Variants in CDH4 observed in about 807,000 individuals in gnomAD.
CDH4 encodes cadherin 4, also known as cadherin-4.
In CDH4, 33 loss-of-function variants were observed where a neutral mutation model predicts 86.0. That is an observed-to-expected ratio of 0.38 (90% CI 0.29 to 0.51). The LOEUF (loss-of-function observed/expected upper bound fraction) is 0.51. Among genes scored for constraint, CDH4 ranks in the 20% least tolerant of loss-of-function variants. The pLI is 0.86. For missense variants in CDH4, 1,114 were observed against 1,307.4 expected (o/e 0.85, Z 2.28); for synonymous variants, 555 against 549.4 (o/e 1.01, Z -0.14).
chr20:61,394,121 G>C (rs1476809825), intron 2 of CDH4, among the ~76,000 whole-genome samples: 1 of 152,174 alleles, frequency 6.6e-6, no homozygotes, highest in East Asian at 1.9e-4. Flanking sequence ...AGGATTTGTA[G>C]GTGATGTTGG....
At chr20:61,345,873 C>G (rs1490652915) in intron 2 of CDH4, among the ~76,000 whole-genome samples, 2 of 152,202 alleles carry the variant, frequency 1.3e-5, no homozygotes, top group Non-Finnish European at 2.9e-5. Context: ...CCAAGGTATG[C>G]ATTCCTTAGG....
intron 6 of CDH4, among the ~76,000 whole-genome samples, chr20:61,869,896 CT>C (rs1325449076): frequency 6.6e-6 from 1 of 152,228 alleles, no homozygotes; most frequent in African/African-American, 2.4e-5. Flanking sequence ...GTGGGGAGAG[CT>C]GGGCCCCAGT....
Position 61,424,729 on chromosome 20 carries a change from T to C in CDH4, c.169+169792T>C, listed in dbSNP as rs2085202071. ...TCAGTCCCTCTCTTTTGACCGTGTC[T>C]CCCTGACTCCCATTGTTTAGGGAGA... On this transcript the variant is annotated intron_variant, in intron 2 of 15. Transcript: ENST00000614565. Among the ~76,000 whole-genome samples, 4 of 109,832 alleles carry C rather than the reference T, an allele frequency of 3.6e-5. No homozygotes were observed. In the South Asian group the frequency reaches 1.1e-3, roughly 29 times the overall value. 72.1% of individuals were successfully genotyped at this position (109,832 alleles called of 152,430 possible). A position where few individuals can be genotyped will look rare whatever the true frequency, so the allele number is the denominator to read the frequency against.
At chr20:61,640,923 G>A (rs1261260054) in intron 2 of CDH4, among the ~76,000 whole-genome samples, 3 of 152,220 alleles carry the variant, frequency 2.0e-5, no homozygotes, top group African/African-American at 7.2e-5. Context: ...GGGGAAGCGA[G>A]TGGTGCCGGG....
chr20:61,649,232 C>T (rs563984934), intron 2 of CDH4, among the ~76,000 whole-genome samples: 1 of 152,160 alleles, frequency 6.6e-6, no homozygotes, highest in Non-Finnish European at 1.5e-5. Flanking sequence ...CCCACAGGGC[C>T]CCCCGAGCAC....
chr20:61,803,141 G>A (rs1979925248), intron 4 of CDH4, among the ~76,000 whole-genome samples: 2 of 152,214 alleles, frequency 1.3e-5, no homozygotes, highest in Admixed American at 1.3e-4. Flanking sequence ...CTCCGTCGTT[G>A]ACGGTGTGTC....
In CDH4 at chr20:61,577,947, C is replaced by T. The variant is rs1223735265; in HGVS notation, c.170-165616C>T. Among the ~76,000 whole-genome samples the T allele has an allele frequency of 2.0e-5, 3 of 152,238 alleles. No homozygotes were observed. In the East Asian group the frequency reaches 5.8e-4, roughly 29 times the overall value. On this transcript the variant is annotated intron_variant, in intron 2 of 15. Transcript: ENST00000614565. ...CATTTCTCTCCTTAATGTCTCCTTCCCTCCTTCAAGCCCCACTCCTTCCCT... is the reference window on the plus strand; with the variant it reads ...CATTTCTCTCCTTAATGTCTCCTTCTCTCCTTCAAGCCCCACTCCTTCCCT...
At chr20:61,349,165 C>T (rs540668894) in intron 2 of CDH4, among the ~76,000 whole-genome samples, 5 of 152,326 alleles carry the variant, frequency 3.3e-5, no homozygotes, top group African/African-American at 9.6e-5. Flanking sequence ...TCTCAGGAAC[C>T]GGCCTGCAGC....
At chr20:61,845,829 C>T (rs1473540712) in intron 5 of CDH4, among the ~76,000 whole-genome samples, 2 of 152,372 alleles carry the variant, frequency 1.3e-5, no homozygotes, top group Middle Eastern at 3.4e-3. Flanking sequence ...GTTCCACCTT[C>T]GCTTGGCTTC....
chr20:61,605,327 C>A (rs1371086499), intron 2 of CDH4, among the ~76,000 whole-genome samples: 2 of 151,052 alleles, frequency 1.3e-5, no homozygotes, highest in African/African-American at 4.9e-5. Context: ...CACTCTGCCT[C>A]TCTCTCTCTG....
intron 2 of CDH4, among the ~76,000 whole-genome samples, chr20:61,382,663 G>T (rs887092319): frequency 2.6e-5 from 4 of 152,184 alleles, no homozygotes; most frequent in African/African-American, 9.7e-5. Context: ...TTCCGGGGAG[G>T]CCCCTGCCTC....
chr20:61,544,035 CA>C lies in CDH4; in HGVS notation c.170-199527del, dbSNP rs2086058737. Reference sequence around the variant, plus strand: ...CAGCTGAGGTCCCTGGAGGCTGCCCCACACCCCCGGCCCCACACCTGGCTCT... The same window carrying C: ...CAGCTGAGGTCCCTGGAGGCTGCCCCCACCCCCGGCCCCACACCTGGCTCT... On this transcript the variant is annotated intron_variant, in intron 2 of 15. Coordinates refer to ENST00000614565, the MANE Select transcript of CDH4 (RefSeq NM_001794.5). This position sits in a 1 kb window ranked among gnomAD's most constrained non-coding sequence, Gnocchi z 6.5. Among the ~76,000 whole-genome samples the C allele has an allele frequency of 6.6e-6, 1 of 152,166 alleles. No individual in the cohort carries two copies. The highest frequency in any genetic ancestry group is 1.5e-5 in the Non-Finnish European group (1 of 68,018).
chr20:61,283,008 G>A (rs1261022798), intron 2 of CDH4, among the ~76,000 whole-genome samples: 1 of 29,038 alleles, frequency 3.4e-5, no homozygotes, highest in African/African-American at 1.0e-4. Context: ...GCGTTTGCAC[G>A]CGCGTGCTGT....
At chr20:61,735,586 C>T (rs992906951) in intron 2 of CDH4, among the ~76,000 whole-genome samples, 4 of 152,162 alleles carry the variant, frequency 2.6e-5, no homozygotes, top group Non-Finnish European at 5.9e-5. Flanking sequence ...TTCTGCCTCC[C>T]GGCCAGCGCC....
At chr20:61,351,993 G>A (rs1362848572) in intron 2 of CDH4, among the ~76,000 whole-genome samples, 7 of 152,004 alleles carry the variant, frequency 4.6e-5, no homozygotes, top group Non-Finnish European at 5.9e-5. Context: ...CTGGGATTAC[G>A]GGTGTGAGCC....
chr20:61,465,363 A>AT (rs112215809), intron 2 of CDH4, among the ~76,000 whole-genome samples: 7,488 of 147,740 alleles, frequency 0.051, 313 homozygotes, highest in African/African-American at 0.11. Flanking sequence ...TGAACCTGGG[A>AT]TTTTTTTTTT....
intron 2 of CDH4, among the ~76,000 whole-genome samples, chr20:61,697,825 G>A (rs1456454746): frequency 6.6e-6 from 1 of 152,186 alleles, no homozygotes; most frequent in African/African-American, 2.4e-5. Flanking sequence ...GCTCCAGGCT[G>A]GAAGGTCCTC....
intron 2 of CDH4, among the ~76,000 whole-genome samples, chr20:61,711,948 G>A (rs532553629): frequency 2.0e-5 from 3 of 152,304 alleles, no homozygotes; most frequent in Admixed American, 6.5e-5. Flanking sequence ...ACAGATAGCT[G>A]TGCACTGAGG....
At position 61,333,251 on chromosome 20, in the gene CDH4, GCA is replaced by G. The variant is rs547498678; in HGVS notation, c.169+78323_169+78324del. ...CATGCACACATATGCACAGGCACAT[GCA>G]CACACACATGTACACACACACACAC... On this transcript the variant is annotated intron_variant, in intron 2 of 15. Coordinates refer to ENST00000614565, the MANE Select transcript of CDH4 (RefSeq NM_001794.5). Among the ~76,000 whole-genome samples, 82 of 130,556 alleles carry G rather than the reference GCA, an allele frequency of 6.3e-4. 1 individual carries two copies. In the South Asian group the frequency reaches 8.8e-3, roughly 14 times the overall value. The allele number at this position is 130,556 out of a possible 152,430, so 85.6% of individuals were successfully genotyped here.
Sources: gnomAD v4.1 joint callset for allele counts (sites outside exome capture counted in the v4.1 genomes callset) on GRCh38, gnomAD v4.1.1 for gene constraint, Gnocchi (gnomAD v3.1) non-coding constraint, MANE v1.5 for transcripts, NCBI Gene and HGNC (gene_info 2026-07-23, HGNC 2026-07-21) for gene names.